PDE8A: variants seen among roughly 807,000 people sequenced by gnomAD.
PDE8A encodes phosphodiesterase 8A.
In PDE8A, 59 loss-of-function variants were observed where a neutral mutation model predicts 105.0. The ratio of observed to expected loss-of-function variants is 0.56; its 90% CI spans 0.46 to 0.70. The LOEUF (loss-of-function observed/expected upper bound fraction) is 0.70, where lower values mean the gene tolerates loss of function less well. Among genes scored for constraint, PDE8A ranks in the 30% least tolerant of loss-of-function variants. The pLI, the probability that PDE8A is intolerant of heterozygous loss-of-function variation, is 0.00. For synonymous variants in PDE8A, 355 were observed against 371.9 expected (o/e 0.95, Z 0.52); for missense variants, 1,014 against 1,045.9 (o/e 0.97, Z 0.42).
chr15:85,081,460 A>C (rs1345516483), intron 5 of PDE8A, among the ~76,000 whole-genome samples: 1 of 152,212 alleles, frequency 6.6e-6, no homozygotes, highest in East Asian at 1.9e-4. Flanking sequence ...AGGCCTAGCA[A>C]AGATGGGCTC....
chr15:85,134,346 G>A (rs1177414979), intron 20 of PDE8A, among the ~76,000 whole-genome samples: 3 of 152,186 alleles, frequency 2.0e-5, no homozygotes, highest in Admixed American at 6.5e-5. Flanking sequence ...TCAGGAGAGC[G>A]CCCCGCCCAG....
chr15:85,092,559 C>G (rs1473954464), intron 8 of PDE8A, among the ~76,000 whole-genome samples: 1 of 152,072 alleles, frequency 6.6e-6, no homozygotes, highest in East Asian at 1.9e-4. Flanking sequence ...ATGACCACCT[C>G]AATCCTGGCA....
chr15:85,051,032 A>G (rs2080964784), intron 1 of PDE8A, among the ~76,000 whole-genome samples: 1 of 152,210 alleles, frequency 6.6e-6, no homozygotes, highest in Non-Finnish European at 1.5e-5. Flanking sequence ...CTCCTTGGTT[A>G]AATCAATTCT....
intron 12 of PDE8A, among the ~76,000 whole-genome samples, chr15:85,112,460 T>A (rs900868787): frequency 3.3e-5 from 5 of 152,150 alleles, no homozygotes; most frequent in African/African-American, 1.2e-4. Context: ...AAAATAGGAG[T>A]TTTTATTTTT....
chr15:85,037,620 A>G (rs2080729164), intron 1 of PDE8A, among the ~76,000 whole-genome samples: 2 of 152,210 alleles, frequency 1.3e-5, no homozygotes, highest in South Asian at 2.1e-4. Context: ...ATTTTTGTAT[A>G]TCCTGTAGAA....
chr15:85,019,912 C>G (rs1173921854), intron 1 of PDE8A, among the ~76,000 whole-genome samples: 1 of 113,070 alleles, frequency 8.8e-6, no homozygotes, highest in Non-Finnish European at 1.9e-5. Flanking sequence ...GCTCTTGGGT[C>G]TCTGGAGAAC....
chr15:84,984,824 A>G (rs908871362), intron 1 of PDE8A, among the ~76,000 whole-genome samples: 4 of 152,186 alleles, frequency 2.6e-5, no homozygotes, highest in African/African-American at 4.8e-5. Context: ...GAGTGCTGAC[A>G]TGATGCTCAA....
chr15:85,100,688 G>T (rs9920260), intron 11 of PDE8A, among the ~76,000 whole-genome samples: 2 of 152,160 alleles, frequency 1.3e-5, no homozygotes, highest in African/African-American at 2.4e-5. Flanking sequence ...TCCCTGGTTT[G>T]GAGTCACCTG....
intron 1 of PDE8A, among the ~76,000 whole-genome samples, chr15:84,998,130 T>A (rs921939565): frequency 1.3e-5 from 2 of 152,252 alleles, no homozygotes; most frequent in Non-Finnish European, 2.9e-5. Flanking sequence ...AAATCATTCC[T>A]GAGTGGGACC....
intron 5 of PDE8A, among the ~76,000 whole-genome samples, chr15:85,078,938 A>G (rs1381558731): frequency 6.6e-6 from 1 of 152,236 alleles, no homozygotes; most frequent in Non-Finnish European, 1.5e-5. Context: ...CATAAAATTC[A>G]GAGATATAGT....
chr15:84,982,332 A>G lies in PDE8A; in HGVS notation c.170A>G (p.Asp57Gly). The G allele has an allele frequency of 7.5e-7, 1 of 1,325,636 alleles. No individual in the cohort carries two copies. The highest frequency in any genetic ancestry group is 9.6e-7 in the Non-Finnish European group (1 of 1,041,094). 82.1% of individuals were successfully genotyped at this position (1,325,636 alleles called of 1,614,324 possible). ...GAGLLESELR[D>G]GSGKKVAVAD... ...GGCCTCTTGGAGTCGGAGCTTCGCGACGGCAGCGGCAAGAAGGTAAGGGGC... is the reference window on the plus strand; with the variant it reads ...GGCCTCTTGGAGTCGGAGCTTCGCGGCGGCAGCGGCAAGAAGGTAAGGGGC... Residue 57 changes from aspartate to glycine, a missense_variant, in exon 1 of 22, where the codon GAC (aspartate) becomes GGC (glycine). Transcript: ENST00000394553.
chr15:85,102,793 C>T lies in PDE8A; in HGVS notation c.1036+2595C>T, dbSNP rs552139420. On this transcript the variant is annotated intron_variant, in intron 11 of 21. Coordinates refer to ENST00000394553, the MANE Select transcript of PDE8A (RefSeq NM_002605.3). Reference sequence around the variant, plus strand: ...GGCTGAGGTTGTGGTGAGCCGAGATCGCGCCATTGTACTCCAGCCTGGGCT... The same window carrying T: ...GGCTGAGGTTGTGGTGAGCCGAGATTGCGCCATTGTACTCCAGCCTGGGCT... Among the ~76,000 whole-genome samples, 43 of 149,284 alleles carry T rather than the reference C, an allele frequency of 2.9e-4. No individual in the cohort carries two copies. In the South Asian group the frequency reaches 7.2e-3, roughly 25 times the overall value.
intron 1 of PDE8A, among the ~76,000 whole-genome samples, chr15:85,028,635 A>G (rs1596456265): frequency 6.6e-6 from 1 of 152,322 alleles, no homozygotes; most frequent in African/African-American, 2.4e-5. Context: ...TGATAGAGAA[A>G]AAAGTCACTT....
intron 1 of PDE8A, among the ~76,000 whole-genome samples, chr15:85,058,802 A>G (rs1025824721): frequency 5.9e-5 from 9 of 151,842 alleles, no homozygotes; most frequent in East Asian, 1.9e-4. Context: ...TTTTTTCTCC[A>G]TCTTGCTAAA....
intron 11 of PDE8A, among the ~76,000 whole-genome samples, chr15:85,104,299 A>C (rs554997695): frequency 6.6e-6 from 1 of 152,220 alleles, no homozygotes; most frequent in Non-Finnish European, 1.5e-5. Context: ...ATGATGGTTG[A>C]CCTGGTGTCT....
chr15:85,080,367 C>A (rs2098378968), intron 5 of PDE8A, among the ~76,000 whole-genome samples: 1 of 152,152 alleles, frequency 6.6e-6, no homozygotes, highest in Non-Finnish European at 1.5e-5. Flanking sequence ...AGTCAGAAGT[C>A]CCCTATGGAT....
At chr15:85,133,273 A>G (rs2082354721) in intron 20 of PDE8A, among the ~76,000 whole-genome samples, 1 of 152,154 alleles carries the variant, frequency 6.6e-6, no homozygotes, top group Non-Finnish European at 1.5e-5. Context: ...GTCTTCAGGC[A>G]TCCATATTGG....
intron 1 of PDE8A, among the ~76,000 whole-genome samples, chr15:85,046,719 G>GT (rs2141408987): frequency 6.6e-6 from 1 of 152,278 alleles, no homozygotes; most frequent in Non-Finnish European, 1.5e-5. Context: ...GATAGGGAGG[G>GT]TAGAGGGGAG....
chr15:85,093,881 A>G (rs1456809223), intron 8 of PDE8A, among the ~76,000 whole-genome samples: 1 of 150,518 alleles, frequency 6.6e-6, no homozygotes, highest in African/African-American at 2.5e-5. Flanking sequence ...TTTTCTTGAG[A>G]CATGGACTTG....
Sources: allele counts gnomAD v4.1 joint callset (sites outside exome capture counted in the v4.1 genomes callset), GRCh38; gene constraint gnomAD v4.1.1; transcripts MANE v1.5; gene names NCBI Gene and HGNC (gene_info 2026-07-23, HGNC 2026-07-21).